The following ZFHX4 variants were observed in gnomAD, a reference collection of about 807,000 sequenced individuals.
ZFHX4 encodes the protein zinc finger homeobox protein 4.
Under a neutral mutation model 267.6 loss-of-function variants are expected in ZFHX4, and 56 were observed. The ratio of observed to expected loss-of-function variants is 0.21; its 90% CI spans 0.17 to 0.26. The LOEUF (loss-of-function observed/expected upper bound fraction) is 0.26. ZFHX4 is among the 10% of genes least tolerant of loss of function. The pLI is 1.00. For synonymous variants in ZFHX4, 1,778 were observed against 1,665.6 expected (o/e 1.07, Z -1.64); for missense variants, 4,332 against 4,420.0 (o/e 0.98, Z 0.56).
At chr8:76,689,535 A>C (rs1195628240) in intron 1 of ZFHX4, among the ~76,000 whole-genome samples, 1 of 152,126 alleles carries the variant, frequency 6.6e-6, no homozygotes, top group Non-Finnish European at 1.5e-5. Flanking sequence ...ATCTTAGTGC[A>C]CTCACAGTCT....
intron 3 of ZFHX4, among the ~76,000 whole-genome samples, chr8:76,727,971 C>T (rs2131653683): frequency 6.6e-6 from 1 of 152,284 alleles, no homozygotes; most frequent in South Asian, 2.1e-4. Flanking sequence ...TCATCTCACT[C>T]AGCAGCATTA....
chr8:76,819,533 C>T (rs1283235028), intron 4 of ZFHX4, among the ~76,000 whole-genome samples: 1 of 152,070 alleles, frequency 6.6e-6, no homozygotes, highest in Admixed American at 6.5e-5. Context: ...TGAAATGGAG[C>T]ATTCGTGGTG....
Position 76,705,445 on chromosome 8 carries a change from G to A in ZFHX4, c.1357G>A (p.Val453Ile), listed in dbSNP as rs770756469. The change falls in exon 2 of 11, where the codon GTT (valine) becomes ATT (isoleucine). Residue 453 changes from valine (V) to isoleucine (I), a missense_variant. By Grantham distance (29) the Val-to-Ile change is conservative. Coordinates refer to ENST00000651372, the MANE Select transcript of ZFHX4 (RefSeq NM_024721.5). The stretch of plus-strand genomic sequence containing the variant: ...CTGTGAAAGGCCAAAAGAAAGCAAC[G>A]TTTTACACCCAAACGGGGAGTGCCC... ...NNCERPKESN[V>I]LHPNGECPVK... 2.0e-5 allele frequency: 32 copies of A among 1,613,598 alleles called. No individual in the cohort carries two copies. The highest frequency in any genetic ancestry group is 3.3e-5 in the Admixed American group (2 of 59,984).
chr8:76,695,956 T>C (rs1212187863), intron 1 of ZFHX4, among the ~76,000 whole-genome samples: 1 of 152,222 alleles, frequency 6.6e-6, no homozygotes, highest in Non-Finnish European at 1.5e-5. Flanking sequence ...GTGGTAAACT[T>C]TAATTAACTC....
At position 76,843,307 on chromosome 8, in the gene ZFHX4, C is replaced by T. The variant is rs544670571; in HGVS notation, c.3511+536C>T. ...TATTTGAGGTATTTCAAACAAAATC[C>T]AGTGAAAAAGTTTACAGATGATTCA... On this transcript the variant is annotated intron_variant, in intron 6 of 10. Transcript: ENST00000651372. Among the ~76,000 whole-genome samples, 6 of 152,192 alleles carry T rather than the reference C, an allele frequency of 3.9e-5. No individual in the cohort carries two copies. In the South Asian group the frequency reaches 1.2e-3, roughly 32 times the overall value.
At chr8:76,856,439 A>G in intron 10 of ZFHX4, 139 bp downstream of exon 10, 1 of 1,017,984 alleles carries the variant, frequency 9.8e-7, no homozygotes, top group Non-Finnish European at 1.5e-6. Context: ...AGTATATATT[A>G]TATTGGCTAT....
At chr8:76,722,555 G>T (rs567678980) in intron 3 of ZFHX4, among the ~76,000 whole-genome samples, 1 of 151,348 alleles carries the variant, frequency 6.6e-6, no homozygotes, top group East Asian at 1.9e-4. Context: ...TTAAAACAAG[G>T]TTGGGTATTT....
intron 5 of ZFHX4, among the ~76,000 whole-genome samples, chr8:76,837,682 TC>T (rs1812128556): frequency 6.6e-6 from 1 of 152,206 alleles, no homozygotes. Context: ...CAGGCACTGT[TC>T]CAGCTGCTTT....
At chr8:76,839,416 G>A (rs2131907538) in intron 5 of ZFHX4, among the ~76,000 whole-genome samples, 1 of 152,188 alleles carries the variant, frequency 6.6e-6, no homozygotes, top group Admixed American at 6.5e-5. Context: ...ATGTAAAAAT[G>A]AATATGTATT....
chr8:76,700,198 T>G (rs531866486), intron 1 of ZFHX4, among the ~76,000 whole-genome samples: 10 of 152,200 alleles, frequency 6.6e-5, no homozygotes, highest in Non-Finnish European at 7.4e-5. Context: ...CCATGTAAAA[T>G]GGAGTAAATA....
At chr8:76,700,079 T>C (rs1454981513) in intron 1 of ZFHX4, among the ~76,000 whole-genome samples, 1 of 152,096 alleles carries the variant, frequency 6.6e-6, no homozygotes, top group Non-Finnish European at 1.5e-5. Context: ...GCAGAGACAG[T>C]GATGACCTTT....
intron 4 of ZFHX4, among the ~76,000 whole-genome samples, chr8:76,831,593 C>A (rs1811934396): frequency 6.6e-6 from 1 of 152,088 alleles, no homozygotes; most frequent in Admixed American, 6.6e-5. Context: ...TTACTCTGTC[C>A]TTACTTGAGA....
In ZFHX4 at chr8:76,854,759, C is replaced by A; in HGVS notation, c.7838C>A (p.Thr2613Asn). The change falls in exon 10 of 11, where the codon ACC (threonine) becomes AAC (asparagine). Residue 2613 changes from threonine to asparagine, a missense_variant. Thr to Asn is a moderately conservative substitution (Grantham distance 65). This residue lies in a region of ZFHX4 where 1,648 missense variants were observed against 1,625.0 expected (regional missense o/e 1.01). Transcript: ENST00000651372. ...GATAAACGCTTGAGAACCACGATCA[C>A]CCCGGAACAGCTGGAAATACTCTAT... Reference protein sequence around the residue: ...HRDKRLRTTITPEQLEILYEK... With the variant: ...HRDKRLRTTINPEQLEILYEK... The A allele has an allele frequency of 1.2e-6, 2 of 1,611,340 alleles. No individual in the cohort carries two copies. Among genetic ancestry groups the A allele is most frequent in the Non-Finnish European group, 1.7e-6 (2 of 1,178,770 alleles).
chr8:76,705,251 C>G lies in ZFHX4; in HGVS notation c.1163C>G (p.Thr388Ser). 1 of 1,614,038 alleles carries G rather than the reference C, an allele frequency of 6.2e-7. No individual in the cohort carries two copies. The highest frequency in any genetic ancestry group is 1.1e-5 in the South Asian group (1 of 91,078). ...GCCTTCTTAAAAGGAAGCGCGAGCA[C>G]CTCGAGCTCAGCAGAGCAGCCGCTG... ...GFAFLKGSAS[T>S]SSSAEQPLGI... Residue 388 changes from threonine to serine, a missense_variant, in exon 2 of 11, where the codon ACC becomes AGC. Coordinates refer to ENST00000651372, the MANE Select transcript of ZFHX4 (RefSeq NM_024721.5).
intron 3 of ZFHX4, among the ~76,000 whole-genome samples, chr8:76,709,787 G>A (rs1466618105): frequency 7.1e-6 from 1 of 140,928 alleles, no homozygotes; most frequent in Non-Finnish European, 1.5e-5. Context: ...GTGTGCGTGT[G>A]TGTGCGTGTG....
Position 76,706,506 on chromosome 8 carries a change from G to C in ZFHX4, c.2418G>C (p.Gln806His). The change falls in exon 2 of 11, where the codon CAG (glutamine) becomes CAC (histidine). Residue 806 changes from glutamine (Q) to histidine (H), a missense_variant. This residue lies in a region of ZFHX4 where 1,195 missense variants were observed against 1,173.6 expected (regional missense o/e 1.02). Transcript: ENST00000651372. ...TGCAGCAGAACATGAAGCAGATCCAGCATAATCTGCACTTGGGCCTCGCCC... is the reference window on the plus strand; with the variant it reads ...TGCAGCAGAACATGAAGCAGATCCACCATAATCTGCACTTGGGCCTCGCCC... ...MLLQQNMKQI[Q>H]HNLHLGLAPA... 1 of 1,613,758 alleles carries C rather than the reference G, an allele frequency of 6.2e-7. No homozygotes were observed. Among genetic ancestry groups the C allele is most frequent in the Non-Finnish European group, 8.5e-7 (1 of 1,179,806 alleles).
At chr8:76,842,920 A>G (rs1203141743) in intron 6 of ZFHX4, 149 bp downstream of exon 6, 4 of 504,696 alleles carry the variant, frequency 7.9e-6, no homozygotes, top group South Asian at 6.6e-5. Context: ...TATTCATTGC[A>G]TGTGCATTTT....
intron 4 of ZFHX4, among the ~76,000 whole-genome samples, chr8:76,822,413 C>T (rs1458739074): frequency 6.6e-6 from 1 of 150,536 alleles, no homozygotes; most frequent in East Asian, 1.9e-4. Context: ...TTCCTTTGGC[C>T]ACTATTTTAC....
chr8:76,785,713 G>A (rs950408064), intron 4 of ZFHX4, among the ~76,000 whole-genome samples: 1 of 152,146 alleles, frequency 6.6e-6, no homozygotes, highest in African/African-American at 2.4e-5. Flanking sequence ...GTGGGTAGTG[G>A]ACATTAAAAC....
Sources: gnomAD v4.1 joint callset for allele counts (sites outside exome capture counted in the v4.1 genomes callset) on GRCh38, gnomAD v4.1.1 for gene constraint, gnomAD v4.1.1 regional missense constraint, MANE v1.5 for transcripts, NCBI Gene and HGNC (gene_info 2026-07-23, HGNC 2026-07-21) for gene names.